The following SST variants were observed in gnomAD, a reference collection of about 807,000 sequenced individuals.
The protein encoded by SST is somatostatin.
A neutral mutation model predicts 10.4 loss-of-function variants in SST; 7 were observed. That is an observed-to-expected ratio of 0.67 (90% CI 0.38 to 1.26). SST has a LOEUF of 1.26. Ranked by LOEUF, SST falls within the 50% of genes most tolerant of loss-of-function variation. SST has a pLI of 0.02. For missense variants in SST, 145 were observed against 140.8 expected, an observed-to-expected ratio of 1.03 and a Z score of -0.15; for synonymous variants, 63 against 63.9, an observed-to-expected ratio of 0.99 and a Z score of 0.07.
Position 187,669,064 on chromosome 3 carries a change from G to A in SST, c.*1C>T. On this transcript the variant is annotated 3_prime_UTR_variant, in exon 2 of 2. Coordinates refer to ENST00000287641, the MANE Select transcript of SST (RefSeq NM_001048.4). ...GATATGGACAATACTAGTTAAGAAA[G>A]CTAACAGGATGTGAAAGTCTTCCAG... The A allele has an allele frequency of 1.2e-6, 2 of 1,613,998 alleles. No individual in the cohort carries two copies. The highest frequency in any genetic ancestry group is 1.7e-6 in the Non-Finnish European group (2 of 1,179,984).
chr3:187,670,173 GC>G lies in SST; in HGVS notation c.118del (p.Ala40LeufsTer43). The part of the protein sequence containing the change: ...RLRQFLQKSL[A>X]AAAGKQELAK... ...CCTTACCTGCTTCCCCGCGGCAGCAGCCAGGGACTTCTGCAGAAACTGACGG... is the reference window on the plus strand; with the variant it reads ...CCTTACCTGCTTCCCCGCGGCAGCAGCAGGGACTTCTGCAGAAACTGACGG... On this transcript the variant is annotated frameshift_variant, in exon 1 of 2. Transcript: ENST00000287641. LOFTEE classifies it high-confidence loss of function. 6.3e-7 allele frequency: 1 copy of G among 1,591,642 alleles called. No individual in the cohort carries two copies. Among genetic ancestry groups the G allele is most frequent in the Non-Finnish European group, 8.6e-7 (1 of 1,169,270 alleles).
rs372242109 is a variant in SST at position 187,670,295 on chromosome 3, G to C, written c.-4C>G. 3.3e-5 allele frequency: 52 copies of C among 1,577,240 alleles called. No individual in the cohort carries two copies. The highest frequency in any genetic ancestry group is 3.6e-4 in the Middle Eastern group (2 of 5,532). On this transcript the variant is annotated 5_prime_UTR_variant, in exon 1 of 2. Coordinates refer to ENST00000287641, the MANE Select transcript of SST (RefSeq NM_001048.4). ...ACTGGAGGCGGCAGGACAGCATCTC[G>C]GCGCCGCGAAAGCCGAGCTGGAGAG... is the stretch of plus-strand genomic sequence containing the variant.
chr3:187,670,377 G>C lies in SST; in HGVS notation c.-86C>G, dbSNP rs1011424772. 19 of 1,450,608 alleles carry C rather than the reference G, an allele frequency of 1.3e-5. No homozygotes were observed. The African/African-American group carries it at 2.4e-4, about 18-fold the overall frequency. The allele number at this position is 1,450,608 out of a possible 1,614,324, so 89.9% of individuals were successfully genotyped here. On this transcript the variant is annotated 5_prime_UTR_variant, in exon 1 of 2. Transcript: ENST00000287641. ...GGCAGCAGCGATGGCTCCGAACCTC[G>C]CTCCTAAAGCGGCTTGTGTGCTCTC...
Position 187,669,040 on chromosome 3 carries a change from A to T in SST, c.*25T>A. 6.2e-7 allele frequency: 1 copy of T among 1,612,496 alleles called. No homozygotes were observed. The highest frequency in any genetic ancestry group is 8.5e-7 in the Non-Finnish European group (1 of 1,178,604). ...GTGGGGGCGAGGGATCAGAGGTCTGATATGGACAATACTAGTTAAGAAAGC... is the reference window on the plus strand; with the variant it reads ...GTGGGGGCGAGGGATCAGAGGTCTGTTATGGACAATACTAGTTAAGAAAGC... On this transcript the variant is annotated 3_prime_UTR_variant, in exon 2 of 2. Coordinates refer to ENST00000287641, the MANE Select transcript of SST (RefSeq NM_001048.4).
At chr3:187,669,529 AACAC>A (rs57361717) in intron 1 of SST, among the ~76,000 whole-genome samples, 134 of 147,324 alleles carry the variant, frequency 9.1e-4, no homozygotes, top group Admixed American at 2.2e-3. Context: ...CTGTAGACTT[AACAC>A]ACACACACAC....
Position 187,669,282 on chromosome 3 carries a change from A to G in SST, c.139-5T>C, listed in dbSNP as rs751483709. On this transcript the variant is annotated splice_region_variant and splice_polypyrimidine_tract_variant and intron_variant, in intron 1 of 1. Transcript: ENST00000287641. ...CAAGAAGTACTTGGCCAGTTCCTGT[A>G]TAGGGCAGAAGGGATAGAAAAAGAG... 3.9e-5 allele frequency: 63 copies of G among 1,613,366 alleles called. No homozygotes were observed. Among genetic ancestry groups the G allele is most frequent in the Non-Finnish European group, 5.3e-5 (63 of 1,179,890 alleles).
chr3:187,669,246 A>G lies in SST; in HGVS notation c.170T>C (p.Leu57Pro). The change falls in exon 2 of 2, where the codon CTG becomes CCG. Residue 57 changes from leucine (L) to proline (P), a missense_variant. Leu to Pro is a moderately conservative substitution (Grantham distance 98). Coordinates refer to ENST00000287641, the MANE Select transcript of SST (RefSeq NM_001048.4). ...ELAKYFLAELLSEPNQTENDA... is the reference protein window; with the variant it reads ...ELAKYFLAELPSEPNQTENDA... ...ATTCTCCGTCTGGTTGGGTTCAGAC[A>G]GCAGCTCTGCCAAGAAGTACTTGGC... The G allele has an allele frequency of 6.2e-7, 1 of 1,614,054 alleles. No homozygotes were observed. The highest frequency in any genetic ancestry group is 1.1e-5 in the South Asian group (1 of 91,070).
At chr3:187,670,115 G>C (rs371659191) in intron 1 of SST, 39 bp downstream of exon 1, 2 of 1,563,460 alleles carry the variant, frequency 1.3e-6, no homozygotes, top group African/African-American at 1.4e-5. Context: ...GCTTAGGGAG[G>C]GCTGGAGAAT....
At chr3:187,669,895 A>C (rs1717197266) in intron 1 of SST, among the ~76,000 whole-genome samples, 1 of 152,162 alleles carries the variant, frequency 6.6e-6, no homozygotes, top group African/African-American at 2.4e-5. Context: ...ACAACTACCC[A>C]GATTTTGTAA....
intron 1 of SST, 127 bp from the exon 2 acceptor site, chr3:187,669,404 A>AT (rs1376399230): frequency 1.2e-6 from 1 of 804,854 alleles, no homozygotes; most frequent in Non-Finnish European, 2.0e-6. Context: ...ACAGCTGCGC[A>AT]TTTTTTGTCA....
rs1429875799 is a variant in SST at position 187,669,185 on chromosome 3, A to G, written c.231T>C (p.Ala77=). 1 of 1,614,052 alleles carries G rather than the reference A, an allele frequency of 6.2e-7. No individual in the cohort carries two copies. ...GCTCAAGCCTCATTTCATCCTGCTCAGCAGCCTGGGACAGATCTTCAGGTT... is the reference window on the plus strand; with the variant it reads ...GCTCAAGCCTCATTTCATCCTGCTCGGCAGCCTGGGACAGATCTTCAGGTT... The part of the protein sequence containing the change: ...ALEPEDLSQA[A]EQDEMRLELQ... The change falls in exon 2 of 2, where the codon GCT becomes GCC. Residue 77 remains alanine (A), a synonymous_variant. Transcript: ENST00000287641.
In SST at chr3:187,669,559, A is replaced by AACACAC. The variant is rs58680547; in HGVS notation, c.139-288_139-283dup. Among the ~76,000 whole-genome samples the AACACAC allele has an allele frequency of 2.9e-3, 418 of 145,312 alleles. 1 individual carries two copies. The highest frequency in any genetic ancestry group is 7.5e-3 in the South Asian group (34 of 4,544). ...ACACACACACACACACACACGCACA[A>AACACAC]ACACACACACACACACACACACACA... is the stretch of plus-strand genomic sequence containing the variant. On this transcript the variant is annotated intron_variant, in intron 1 of 1. Coordinates refer to ENST00000287641, the MANE Select transcript of SST (RefSeq NM_001048.4).
intron 1 of SST, among the ~76,000 whole-genome samples, 188 bp downstream of exon 1, chr3:187,669,966 G>GA: frequency 6.6e-6 from 1 of 151,906 alleles, no homozygotes; most frequent in Non-Finnish European, 1.5e-5. Context: ...TATCATGGGG[G>GA]AAAAAAAGAG....
chr3:187,669,105 C>A lies in SST; in HGVS notation c.311G>T (p.Gly104Val). The A allele has an allele frequency of 1.9e-6, 3 of 1,613,728 alleles. No individual in the cohort carries two copies. Among genetic ancestry groups the A allele is most frequent in the Non-Finnish European group, 2.5e-6 (3 of 1,179,948 alleles). ...AGTCTTCCAGAAGAAATTCTTGCAG[C>A]CAGCTTTGCGTTCTCGGGGTGCCAT... ...PAMAPRERKAGCKNFFWKTFT... is the reference protein window; with the variant it reads ...PAMAPRERKAVCKNFFWKTFT... The change falls in exon 2 of 2, where the codon GGC becomes GTC. Residue 104 changes from glycine to valine, a missense_variant. Physicochemically the swap from Gly to Val is moderately radical, Grantham distance 109 (BLOSUM62 -3). Transcript: ENST00000287641.
In SST at chr3:187,669,116, T is replaced by C; in HGVS notation, c.300A>G (p.Glu100=). 1 of 1,613,930 alleles carries C rather than the reference T, an allele frequency of 6.2e-7. No individual in the cohort carries two copies. The highest frequency in any genetic ancestry group is 8.5e-7 in the Non-Finnish European group (1 of 1,180,012). Reference sequence around the variant, plus strand: ...AGAAATTCTTGCAGCCAGCTTTGCGTTCTCGGGGTGCCATAGCCGGGTTTG... The same window carrying C: ...AGAAATTCTTGCAGCCAGCTTTGCGCTCTCGGGGTGCCATAGCCGGGTTTG... ...ANSNPAMAPR[E]RKAGCKNFFW... The change falls in exon 2 of 2, where the codon GAA becomes GAG. Residue 100 remains glutamate (E), a synonymous_variant. Transcript: ENST00000287641.
chr3:187,669,130 T>C lies in SST; in HGVS notation c.286A>G (p.Met96Val), dbSNP rs375199307. The C allele has an allele frequency of 1.9e-6, 3 of 1,613,888 alleles. No individual in the cohort carries two copies. Among genetic ancestry groups the C allele is most frequent in the Non-Finnish European group, 2.5e-6 (3 of 1,179,984 alleles). The change falls in exon 2 of 2, where the codon ATG becomes GTG. Residue 96 changes from methionine to valine, a missense_variant. By Grantham distance (21) the Met-to-Val change is conservative (BLOSUM62 1). Transcript: ENST00000287641. ...LQRSANSNPA[M>V]APRERKAGCK... ...CCAGCTTTGCGTTCTCGGGGTGCCA[T>C]AGCCGGGTTTGAGTTAGCAGATCTC... is the stretch of plus-strand genomic sequence containing the variant.
intron 1 of SST, 106 bp downstream of exon 1, chr3:187,670,048 A>C: frequency 7.7e-7 from 1 of 1,297,486 alleles, no homozygotes; most frequent in Non-Finnish European, 1.0e-6. Flanking sequence ...AAAAGCACCA[A>C]AACTCTTTAG....
chr3:187,669,369 T>G, intron 1 of SST, 92 bp from the exon 2 acceptor site: 1 of 1,266,046 alleles, frequency 7.9e-7, no homozygotes, highest in South Asian at 1.3e-5. Context: ...AGAACAGATT[T>G]GGTCACACAC....
chr3:187,670,343 G>C lies in SST; in HGVS notation c.-52C>G. 1 of 1,530,550 alleles carries C rather than the reference G, an allele frequency of 6.5e-7. No individual in the cohort carries two copies. Among genetic ancestry groups the C allele is most frequent in the Non-Finnish European group, 8.8e-7 (1 of 1,135,266 alleles). The allele number at this position is 1,530,550 out of a possible 1,614,324, so 94.8% of individuals were successfully genotyped here. On this transcript the variant is annotated 5_prime_UTR_variant, in exon 1 of 2. Transcript: ENST00000287641. Reference sequence around the variant, plus strand: ...GAGTGGCTGGTCAAACTCTAGGCGCGGATCAGCAGGCAGCAGCGATGGCTC... The same window carrying C: ...GAGTGGCTGGTCAAACTCTAGGCGCCGATCAGCAGGCAGCAGCGATGGCTC...
Sources: allele counts gnomAD v4.1 joint callset (sites outside exome capture counted in the v4.1 genomes callset), GRCh38; gene constraint gnomAD v4.1.1; transcripts MANE v1.5; gene names NCBI Gene and HGNC (gene_info 2026-07-23, HGNC 2026-07-21).